The following SCHIP1 variants were observed in gnomAD, a reference collection of about 807,000 sequenced individuals.
SCHIP1 encodes the protein schwannomin interacting protein 1.
Under a neutral mutation model 29.7 loss-of-function variants are expected in SCHIP1, and 8 were observed. The ratio of observed to expected loss-of-function variants is 0.27; its 90% CI spans 0.16 to 0.49. The LOEUF is 0.49. SCHIP1 is among the 20% of genes least tolerant of loss of function. The pLI is 0.99. For synonymous variants in SCHIP1, 76 were observed against 94.9 expected, an observed-to-expected ratio of 0.80 and a Z score of 1.16; for missense variants, 193 against 294.6, an observed-to-expected ratio of 0.66 and a Z score of 2.52.
chr3:159,761,013 C>A, the SCHIP1 span, among the ~76,000 whole-genome samples: 66 of 152,312 alleles, frequency 4.3e-4, no homozygotes, highest in African/African-American at 1.6e-3. Context: ...TCAGGCAAGC[C>A]TTCCCTGAGG....
the SCHIP1 span, among the ~76,000 whole-genome samples, chr3:159,828,823 A>G: frequency 6.6e-6 from 1 of 152,164 alleles, no homozygotes; most frequent in Non-Finnish European, 1.5e-5. Context: ...ACCTGGAATG[A>G]TAAAGGGGAA....
chr3:159,594,396 T>G, the SCHIP1 span, among the ~76,000 whole-genome samples: 2 of 152,090 alleles, frequency 1.3e-5, no homozygotes, highest in Non-Finnish European at 2.9e-5. Flanking sequence ...TGTTTGCCTG[T>G]TAAGATAAAG....
At chr3:159,307,355 A>G in the SCHIP1 span, among the ~76,000 whole-genome samples, 1 of 152,324 alleles carries the variant, frequency 6.6e-6, no homozygotes. Context: ...AAATGAGGAC[A>G]ACACTCTCAG....
chr3:159,403,716 G>C, the SCHIP1 span, among the ~76,000 whole-genome samples: 1 of 152,180 alleles, frequency 6.6e-6, no homozygotes, highest in East Asian at 1.9e-4. Context: ...GACAGTCTAG[G>C]TCACAAAAAC....
At chr3:159,588,558 G>A in the SCHIP1 span, among the ~76,000 whole-genome samples, 1 of 152,122 alleles carries the variant, frequency 6.6e-6, no homozygotes, top group African/African-American at 2.4e-5. Flanking sequence ...GTCCTGAATG[G>A]TATTGACTAG....
At chr3:159,771,034 A>C in the SCHIP1 span, among the ~76,000 whole-genome samples, 6,680 of 152,352 alleles carry the variant, frequency 0.044, 192 homozygotes, top group Non-Finnish European at 0.069. Flanking sequence ...AATTGAAAGC[A>C]AATTCTTCTG....
At chr3:159,801,762 T>C in the SCHIP1 span, among the ~76,000 whole-genome samples, 4 of 152,172 alleles carry the variant, frequency 2.6e-5, no homozygotes, top group Non-Finnish European at 5.9e-5. Context: ...AAAATTCTGG[T>C]ACACACAGTA....
the SCHIP1 span, among the ~76,000 whole-genome samples, chr3:159,772,960 C>T: frequency 0.066 from 10,080 of 152,150 alleles, 1,085 homozygotes; most frequent in African/African-American, 0.22. Context: ...AGGCTAGTCT[C>T]GAACTCCTGA....
the SCHIP1 span, among the ~76,000 whole-genome samples, chr3:159,660,001 G>A: frequency 6.6e-6 from 1 of 152,086 alleles, no homozygotes; most frequent in Non-Finnish European, 1.5e-5. Context: ...CATTCTGAGG[G>A]GATTATATTG....
At chr3:159,523,766 A>G in the SCHIP1 span, among the ~76,000 whole-genome samples, 1 of 152,244 alleles carries the variant, frequency 6.6e-6, no homozygotes, top group South Asian at 2.1e-4. Context: ...AAGTAAAATA[A>G]GACACTGATC....
At chr3:159,637,371 C>CCACACACACA in the SCHIP1 span, among the ~76,000 whole-genome samples, 1,070 of 134,626 alleles carry the variant, frequency 7.9e-3, 14 homozygotes, top group African/African-American at 0.014. Context: ...CCGGCCCCAG[C>CCACACACACA]CACACACACA....
the SCHIP1 span, among the ~76,000 whole-genome samples, chr3:159,568,005 C>A: frequency 3.0e-4 from 45 of 152,088 alleles, no homozygotes; most frequent in Non-Finnish European, 5.6e-4. Context: ...TTACCATACA[C>A]TTCATGTACA....
chr3:159,448,026 CAA>C, the SCHIP1 span, among the ~76,000 whole-genome samples: 1 of 152,132 alleles, frequency 6.6e-6, no homozygotes, highest in Non-Finnish European at 1.5e-5. Context: ...GTTGAGAAAA[CAA>C]TGCCTGGCTC....
At chr3:159,809,611 G>A in the SCHIP1 span, among the ~76,000 whole-genome samples, 2 of 148,486 alleles carry the variant, frequency 1.3e-5, no homozygotes, top group African/African-American at 5.0e-5. Flanking sequence ...GGTAAGCCGA[G>A]ATGGCGCCAT....
the SCHIP1 span, among the ~76,000 whole-genome samples, chr3:159,687,393 T>C: frequency 2.6e-5 from 4 of 152,174 alleles, no homozygotes; most frequent in Non-Finnish European, 5.9e-5. Context: ...CAAGAAAATA[T>C]TCTATGTTTA....
chr3:159,488,291 C>A, the SCHIP1 span, among the ~76,000 whole-genome samples: 35 of 151,642 alleles, frequency 2.3e-4, no homozygotes, highest in African/African-American at 8.2e-4. Flanking sequence ...TGACTACAGT[C>A]AATAATTTAT....
the SCHIP1 span, among the ~76,000 whole-genome samples, chr3:159,629,775 C>T: frequency 2.3e-3 from 354 of 152,266 alleles, 5 homozygotes; most frequent in African/African-American, 8.2e-3. Flanking sequence ...TCCACATTTC[C>T]TTCACTCAAC....
the SCHIP1 span, among the ~76,000 whole-genome samples, chr3:159,400,087 G>A: frequency 8.5e-5 from 13 of 152,334 alleles, no homozygotes; most frequent in Middle Eastern, 0.01. Flanking sequence ...TTGATAGCAA[G>A]AACTTAAGAA....
chr3:159,578,833 G>T, the SCHIP1 span, among the ~76,000 whole-genome samples: 1 of 151,940 alleles, frequency 6.6e-6, no homozygotes, highest in South Asian at 2.1e-4. Context: ...GAACCCTAGT[G>T]ATTACCTTGT....
Sources: allele counts gnomAD v4.1 joint callset (sites outside exome capture counted in the v4.1 genomes callset), GRCh38; gene constraint gnomAD v4.1.1; transcripts MANE v1.5; gene names NCBI Gene and HGNC (gene_info 2026-07-23, HGNC 2026-07-21).